PPFIBP1: variants seen among roughly 807,000 people sequenced by gnomAD.
The protein encoded by PPFIBP1 is liprin-beta-1.
Under a neutral mutation model 137.8 loss-of-function variants are expected in PPFIBP1, and 112 were observed. The ratio of observed to expected loss-of-function variants is 0.81; its 90% CI spans 0.70 to 0.95. PPFIBP1 has a LOEUF of 0.95. PPFIBP1 is among the 40% of genes least tolerant of loss of function. The pLI is 0.00. For synonymous variants in PPFIBP1, 378 were observed against 417.3 expected (o/e 0.91, Z 1.15); for missense variants, 1,083 against 1,196.6 (o/e 0.91, Z 1.40).
chr12:27,628,353 AT>A (rs1422243631), intron 2 of PPFIBP1, among the ~76,000 whole-genome samples: 1 of 151,960 alleles, frequency 6.6e-6, no homozygotes, highest in Non-Finnish European at 1.5e-5. Context: ...ATTTTGTACA[AT>A]TTTTTGTAGA....
chr12:27,550,780 T>C (rs1013169897), intron 1 of PPFIBP1, among the ~76,000 whole-genome samples: 3 of 152,016 alleles, frequency 2.0e-5, no homozygotes, highest in African/African-American at 7.3e-5. Flanking sequence ...AAGTTTGTGG[T>C]TTTTTCCCTC....
intron 2 of PPFIBP1, among the ~76,000 whole-genome samples, chr12:27,616,600 G>A (rs1311335526): frequency 6.6e-6 from 1 of 152,168 alleles, no homozygotes; most frequent in East Asian, 1.9e-4. Flanking sequence ...ATATTTCTTA[G>A]TTTAGCAGAA....
At chr12:27,576,907 A>G (rs1171625557) in intron 1 of PPFIBP1, among the ~76,000 whole-genome samples, 1 of 152,180 alleles carries the variant, frequency 6.6e-6, no homozygotes, top group African/African-American at 2.4e-5. Flanking sequence ...TGGGAGTCCT[A>G]GGAGCTCACT....
chr12:27,535,466 C>T (rs963783061), intron 1 of PPFIBP1, among the ~76,000 whole-genome samples: 13 of 152,102 alleles, frequency 8.5e-5, no homozygotes, highest in African/African-American at 2.2e-4. Context: ...CAAGCTACAG[C>T]GAGGTGGTGT....
chr12:27,647,966 A>C, intron 6 of PPFIBP1, 124 bp downstream of exon 6: 2 of 581,650 alleles, frequency 3.4e-6, no homozygotes, highest in East Asian at 1.5e-4. Flanking sequence ...CCAGCACATT[A>C]AAAAAAAAAA....
Position 27,677,056 on chromosome 12 carries a change from A to G in PPFIBP1, c.1583-8A>G. 6.2e-7 allele frequency: 1 copy of G among 1,614,190 alleles called. No homozygotes were observed. The highest frequency in any genetic ancestry group is 2.2e-5 in the East Asian group (1 of 44,884). On this transcript the variant is annotated splice_polypyrimidine_tract_variant and splice_region_variant and intron_variant, in intron 18 of 29. Transcript: ENST00000228425. Reference sequence around the variant, plus strand: ...GTGTGATTGTGTGCGTTGTTGGGATATCTGAAGATCGTAAACGAAGTGCCA... The same window carrying G: ...GTGTGATTGTGTGCGTTGTTGGGATGTCTGAAGATCGTAAACGAAGTGCCA...
intron 2 of PPFIBP1, among the ~76,000 whole-genome samples, chr12:27,619,074 G>A (rs2056075497): frequency 6.6e-6 from 1 of 152,052 alleles, no homozygotes; most frequent in Non-Finnish European, 1.5e-5. Context: ...TTGATGATGC[G>A]GTAATCTTCC....
chr12:27,616,631 G>T (rs1015828830), intron 2 of PPFIBP1, among the ~76,000 whole-genome samples: 2 of 152,224 alleles, frequency 1.3e-5, no homozygotes, highest in Non-Finnish European at 2.9e-5. Context: ...GAATGGAAGA[G>T]ATTGAAGATG....
In PPFIBP1 at chr12:27,634,698, C is replaced by T. The variant is rs181579254; in HGVS notation, c.65-212C>T. ...TACCCCATGATTGGCCTCCTAGTTA[C>T]GAACTGGACCATGGATATTTACCAC... On this transcript the variant is annotated intron_variant, in intron 3 of 29. Transcript: ENST00000228425. 2.8e-3 allele frequency among the ~76,000 whole-genome samples: 424 copies of T among 152,276 alleles called. 3 individuals are homozygous for T. The highest frequency in any genetic ancestry group is 5.0e-3 in the Non-Finnish European group (340 of 68,020).
intron 7 of PPFIBP1, among the ~76,000 whole-genome samples, chr12:27,650,471 G>T (rs1334693000): frequency 2.6e-5 from 4 of 151,998 alleles, no homozygotes; most frequent in Non-Finnish European, 5.9e-5. Context: ...TAAATAATGG[G>T]CTTAAATACA....
At chr12:27,582,245 A>G (rs1374287812) in intron 2 of PPFIBP1, among the ~76,000 whole-genome samples, 1 of 152,194 alleles carries the variant, frequency 6.6e-6, no homozygotes, top group Non-Finnish European at 1.5e-5. Context: ...TGCTGTCTCT[A>G]TAACTGAGCA....
chr12:27,654,073 T>A (rs1302404881), intron 7 of PPFIBP1, among the ~76,000 whole-genome samples: 2 of 152,238 alleles, frequency 1.3e-5, no homozygotes, highest in African/African-American at 4.8e-5. Flanking sequence ...TATATGACGA[T>A]AATTAAAATA....
At chr12:27,646,351 C>A in intron 5 of PPFIBP1, 1 of 599,152 alleles carries the variant, frequency 1.7e-6, no homozygotes, top group Non-Finnish European at 3.1e-6. Context: ...TACCATTAAT[C>A]ATCCTCAGCT....
chr12:27,551,456 A>G (rs1281284546), intron 1 of PPFIBP1, among the ~76,000 whole-genome samples: 1 of 152,208 alleles, frequency 6.6e-6, no homozygotes, highest in African/African-American at 2.4e-5. Context: ...TCCACTTCCC[A>G]AGAGCAACAG....
intron 5 of PPFIBP1, among the ~76,000 whole-genome samples, chr12:27,646,946 A>G (rs182653618): frequency 2.4e-4 from 37 of 152,288 alleles, no homozygotes; most frequent in Admixed American, 2.2e-3. Flanking sequence ...GACTTTGAAC[A>G]CATCTATGAT....
Position 27,587,392 on chromosome 12 carries a change from C to T in PPFIBP1, c.-36+9153C>T, listed in dbSNP as rs544368193. Among the ~76,000 whole-genome samples the T allele has an allele frequency of 4.2e-4, 64 of 152,016 alleles. No individual in the cohort carries two copies. The East Asian group carries it at 9.7e-3, about 23-fold the overall frequency. On this transcript the variant is annotated intron_variant, in intron 2 of 29. Transcript: ENST00000228425. Reference sequence around the variant, plus strand: ...ATCCCAGCACTTTGGGAGGCCGAGGCGGGCGGATCACGGAGGTCAGGAGAT... The same window carrying T: ...ATCCCAGCACTTTGGGAGGCCGAGGTGGGCGGATCACGGAGGTCAGGAGAT...
Position 27,694,332 on chromosome 12 carries a change from A to T in PPFIBP1, c.*1450A>T, listed in dbSNP as rs1753907596. Reference sequence around the variant, plus strand: ...CCTGGCCTACCACTAACTTGAATACATTCAGAATCACCTCCTCTCCCCAAA... The same window carrying T: ...CCTGGCCTACCACTAACTTGAATACTTTCAGAATCACCTCCTCTCCCCAAA... On this transcript the variant is annotated 3_prime_UTR_variant, in exon 30 of 30. Transcript: ENST00000228425. 6.6e-6 allele frequency: 1 copy of T among 152,222 alleles called. No individual in the cohort carries two copies. Among genetic ancestry groups the T allele is most frequent in the South Asian group, 2.1e-4 (1 of 4,830 alleles). 9.4% of individuals were successfully genotyped at this position (152,222 alleles called of 1,614,324 possible). A position where few individuals can be genotyped will look rare whatever the true frequency, so the allele number is the denominator to read the frequency against.
chr12:27,604,145 A>G (rs574871039), intron 2 of PPFIBP1, among the ~76,000 whole-genome samples: 1 of 152,148 alleles, frequency 6.6e-6, no homozygotes, highest in Non-Finnish European at 1.5e-5. Context: ...TCTAAGTGGA[A>G]CCCCAAGGGT....
rs545299115 is a variant in PPFIBP1, at chr12:27,665,800, GA to G, written c.992-1356del. 2.1e-3 allele frequency among the ~76,000 whole-genome samples: 318 copies of G among 150,126 alleles called. 3 individuals are homozygous for G. Among genetic ancestry groups the G allele is most frequent in the African/African-American group, 7.0e-3 (286 of 40,938 alleles). ...AATCCTGCTTTGGATCAGGATTTTT[GA>G]AAAAAAAAATTTTGTACACAAGGTC... On this transcript the variant is annotated intron_variant, in intron 12 of 29. Coordinates refer to ENST00000228425, the MANE Select transcript of PPFIBP1 (RefSeq NM_003622.4).
Sources: gnomAD v4.1 joint callset for allele counts (sites outside exome capture counted in the v4.1 genomes callset) on GRCh38, gnomAD v4.1.1 for gene constraint, MANE v1.5 for transcripts, NCBI Gene and HGNC (gene_info 2026-07-23, HGNC 2026-07-21) for gene names.